FAM227B: variants seen among roughly 807,000 people sequenced by gnomAD.
FAM227B encodes the protein family with sequence similarity 227 member B.
In FAM227B, 88 loss-of-function variants were observed where a neutral mutation model predicts 73.8. The ratio of observed to expected loss-of-function variants is 1.19; its 90% CI spans 1.00 to 1.42. FAM227B has a LOEUF of 1.42. Among genes scored for constraint, FAM227B ranks in the 40% most tolerant of loss-of-function variants. FAM227B has a pLI of 0.00. For missense variants in FAM227B, 632 were observed against 590.9 expected (o/e 1.07, Z -0.72); for synonymous variants, 210 against 190.5 (o/e 1.10, Z -0.84).
At chr15:49,406,582 G>C (rs1437470899) in intron 11 of FAM227B, among the ~76,000 whole-genome samples, 2 of 151,910 alleles carry the variant, frequency 1.3e-5, no homozygotes, top group East Asian at 3.9e-4. Flanking sequence ...GCTGGCCGGG[G>C]TGGGGCTGGC....
chr15:49,503,853 T>C (rs2152100669), intron 11 of FAM227B, among the ~76,000 whole-genome samples: 1 of 152,334 alleles, frequency 6.6e-6, no homozygotes, highest in Middle Eastern at 3.4e-3. Context: ...TCAACCATTG[T>C]GGAAGTCAGT....
intron 11 of FAM227B, among the ~76,000 whole-genome samples, chr15:49,477,571 T>A (rs2055462507): frequency 6.6e-6 from 1 of 152,234 alleles, no homozygotes; most frequent in Non-Finnish European, 1.5e-5. Flanking sequence ...AGTTTGTTTA[T>A]CCATTTACCT....
At chr15:49,526,910 C>G (rs758599461) in intron 10 of FAM227B, among the ~76,000 whole-genome samples, 3 of 151,204 alleles carry the variant, frequency 2.0e-5, no homozygotes, top group Non-Finnish European at 3.0e-5. Context: ...AAAAAAACAA[C>G]AAAAAAGTCC....
chr15:49,454,898 T>C (rs113374023), intron 11 of FAM227B, among the ~76,000 whole-genome samples: 3,670 of 152,210 alleles, frequency 0.024, 114 homozygotes, highest in South Asian at 0.15. Flanking sequence ...TGTGAGCCAC[T>C]GGACCCAGCC....
At chr15:49,373,377 A>C (rs2045965138) in intron 11 of FAM227B, among the ~76,000 whole-genome samples, 1 of 152,148 alleles carries the variant, frequency 6.6e-6, no homozygotes. Flanking sequence ...AATCAATAAC[A>C]TTAAAATGCC....
intron 8 of FAM227B, among the ~76,000 whole-genome samples, chr15:49,573,889 G>A (rs772459763): frequency 3.9e-5 from 6 of 152,042 alleles, no homozygotes; most frequent in Admixed American, 6.6e-5. Context: ...GTCTCTATAC[G>A]TACTGATTTG....
At chr15:49,534,074 T>C (rs961795127) in intron 10 of FAM227B, among the ~76,000 whole-genome samples, 1 of 151,832 alleles carries the variant, frequency 6.6e-6, no homozygotes, top group African/African-American at 2.4e-5. Context: ...GTGACTTACA[T>C]AAATCCTATT....
rs528215742 is a variant in FAM227B at position 49,514,010 on chromosome 15, A to T, written c.875-5662T>A. ...TTTGGTTACTGTAACCTTGTAGGATAGTTTGAAGTCAGGTAGTGTGATGCC... is the reference window on the plus strand; with the variant it reads ...TTTGGTTACTGTAACCTTGTAGGATTGTTTGAAGTCAGGTAGTGTGATGCC... On this transcript the variant is annotated intron_variant, in intron 10 of 15. Transcript: ENST00000299338. 3.3e-5 allele frequency among the ~76,000 whole-genome samples: 5 copies of T among 152,182 alleles called. No individual in the cohort carries two copies. In the South Asian group the frequency reaches 1.0e-3, roughly 32 times the overall value.
At chr15:49,521,829 C>A (rs2059809606) in intron 10 of FAM227B, among the ~76,000 whole-genome samples, 1 of 152,132 alleles carries the variant, frequency 6.6e-6, no homozygotes, top group Admixed American at 6.5e-5. Flanking sequence ...ATATTTCTAC[C>A]TGCCAAAGAT....
intron 11 of FAM227B, among the ~76,000 whole-genome samples, chr15:49,406,276 G>A (rs112095023): frequency 0.017 from 2,624 of 152,272 alleles, 36 homozygotes; most frequent in South Asian, 0.065. Flanking sequence ...GTGCACACTC[G>A]TTGGCTGAAG....
rs369953746 is a variant in FAM227B at position 49,582,880 on chromosome 15, GA to G, written c.405+5135del. ...TAACCTGCTACTGAATGACTTTCAG[GA>G]AAAAAAAAAGGAATTAAGGCAGAAA... On this transcript the variant is annotated intron_variant, in intron 5 of 15. Coordinates refer to ENST00000299338, the MANE Select transcript of FAM227B (RefSeq NM_152647.3). 7.5e-5 allele frequency among the ~76,000 whole-genome samples: 11 copies of G among 146,604 alleles called. No individual in the cohort carries two copies. The East Asian group carries it at 7.9e-4, about 11-fold the overall frequency.
chr15:49,341,402 A>G (rs2040711301), intron 13 of FAM227B, among the ~76,000 whole-genome samples: 1 of 151,994 alleles, frequency 6.6e-6, no homozygotes. Flanking sequence ...ATGTTTTTTC[A>G]TTTGTTTGTG....
chr15:49,465,952 G>A (rs1481770196), intron 11 of FAM227B, among the ~76,000 whole-genome samples: 14 of 152,110 alleles, frequency 9.2e-5, no homozygotes, highest in Admixed American at 7.2e-4. Flanking sequence ...CCAAGTACTG[G>A]GGGTTAGCTG....
At chr15:49,329,679 C>A in intron 15 of FAM227B, 1 of 980,388 alleles carries the variant, frequency 1.0e-6, no homozygotes, top group Non-Finnish European at 1.2e-6. Flanking sequence ...ATTTTGAGTT[C>A]TATAAATCCA....
At chr15:49,538,419 A>T (rs1432358786) in intron 10 of FAM227B, among the ~76,000 whole-genome samples, 2 of 152,098 alleles carry the variant, frequency 1.3e-5, no homozygotes, top group Non-Finnish European at 2.9e-5. Context: ...TGGAAGGTGA[A>T]AGCATTGACT....
chr15:49,553,534 C>G (rs907667021), intron 9 of FAM227B, among the ~76,000 whole-genome samples: 1 of 152,152 alleles, frequency 6.6e-6, no homozygotes, highest in Non-Finnish European at 1.5e-5. Flanking sequence ...TCCCCAGGCC[C>G]CTGGTAGGTC....
chr15:49,552,905 C>T (rs1381060808), intron 9 of FAM227B, among the ~76,000 whole-genome samples: 1 of 152,088 alleles, frequency 6.6e-6, no homozygotes, highest in Non-Finnish European at 1.5e-5. Context: ...GTTTCCTCAA[C>T]ACAGCTATTT....
intron 8 of FAM227B, among the ~76,000 whole-genome samples, chr15:49,570,847 A>G (rs938969890): frequency 6.8e-6 from 1 of 147,408 alleles, no homozygotes; most frequent in Non-Finnish European, 1.5e-5. Flanking sequence ...ATATAAATAT[A>G]TTTAAATATA....
Position 49,586,003 on chromosome 15 carries a change from T to C in FAM227B, c.405+2013A>G, listed in dbSNP as rs117235938. Reference sequence around the variant, plus strand: ...TATTCCTATTAAACTACCAATCACATTATTCACAGAACTAGAAAAGGCTCT... The same window carrying C: ...TATTCCTATTAAACTACCAATCACACTATTCACAGAACTAGAAAAGGCTCT... On this transcript the variant is annotated intron_variant, in intron 5 of 15. Coordinates refer to ENST00000299338, the MANE Select transcript of FAM227B (RefSeq NM_152647.3). Among the ~76,000 whole-genome samples the C allele has an allele frequency of 2.1e-3, 322 of 152,260 alleles. 8 individuals carry two copies. In the East Asian group the frequency reaches 0.056, roughly 26 times the overall value.
Sources: gnomAD v4.1 joint callset for allele counts (sites outside exome capture counted in the v4.1 genomes callset) on GRCh38, gnomAD v4.1.1 for gene constraint, MANE v1.5 for transcripts, NCBI Gene and HGNC (gene_info 2026-07-23, HGNC 2026-07-21) for gene names.